Variants in LRP1 observed in about 807,000 individuals in gnomAD.
The protein encoded by LRP1 is prolow-density lipoprotein receptor-related protein 1.
A neutral mutation model predicts 541.5 loss-of-function variants in LRP1; 51 were observed. The observed-to-expected ratio is 0.09, with a 90% CI of 0.08 to 0.12. The LOEUF is 0.12. Among genes scored for constraint, LRP1 ranks in the 10% least tolerant of loss-of-function variants. The pLI, the probability that LRP1 is intolerant of heterozygous loss-of-function variation, is 1.00. For synonymous variants in LRP1, 2,219 were observed against 2,470.8 expected, an observed-to-expected ratio of 0.90 and a Z score of 3.02; for missense variants, 3,878 against 6,376.2, an observed-to-expected ratio of 0.61 and a Z score of 13.34.
At chr12:57,209,556 C>G in intron 79 of LRP1, 136 bp from the exon 80 acceptor site, 1 of 702,566 alleles carries the variant, frequency 1.4e-6, no homozygotes, top group South Asian at 1.8e-5. Flanking sequence ...GAGGAGGAAC[C>G]GGTGTGGGGA....
rs1469334551 is a variant in LRP1 at position 57,205,391 on chromosome 12, T to C, written c.11376T>C (p.Cys3792=). The C allele has an allele frequency of 6.2e-7, 1 of 1,608,694 alleles. No homozygotes were observed. The change falls in exon 74 of 89, where the codon TGT becomes TGC. Residue 3792 remains cysteine (C), a synonymous_variant. Coordinates refer to ENST00000243077, the MANE Select transcript of LRP1 (RefSeq NM_002332.3). The surrounding 1 kb of genome is among the most constrained non-coding windows in gnomAD (Gnocchi z 4.6). The part of the protein sequence containing the change: ...LTSCATNASI[C]GDEARCVRTE... The stretch of plus-strand genomic sequence containing the variant: ...GCTGCGCCACCAATGCCAGCATCTG[T>C]GGGGACGAGGCACGCTGCGTGCGCA...
chr12:57,182,785 C>T (rs1358116015), intron 34 of LRP1, among the ~76,000 whole-genome samples: 8 of 152,020 alleles, frequency 5.3e-5, no homozygotes, highest in Non-Finnish European at 1.0e-4. Flanking sequence ...CATTGTACTG[C>T]AGCCTGGGGA....
chr12:57,198,794 C>T (rs1004526680), intron 60 of LRP1, 124 bp downstream of exon 60: 3 of 960,904 alleles, frequency 3.1e-6, no homozygotes, highest in Non-Finnish European at 4.7e-6. Flanking sequence ...GGCCTGAGGA[C>T]ACCACTCACT....
rs554259507 is a variant in LRP1, at chr12:57,185,784, G to A, written c.6717G>A (p.Leu2239=). Residue 2239 remains leucine (L), a synonymous_variant, in exon 41 of 89, where the codon CTG becomes CTA. Coordinates refer to ENST00000243077, the MANE Select transcript of LRP1 (RefSeq NM_002332.3). This position sits in a 1 kb window ranked among gnomAD's most constrained non-coding sequence, Gnocchi z 4.9. ...DPEHMKNVIA[L]AFDYRAGTSP... ...AGCACATGAAGAACGTCATCGCCCT[G>A]GCCTTTGACTACCGGGCAGGCACCT... is the stretch of plus-strand genomic sequence containing the variant. 155 of 1,614,178 alleles carry A rather than the reference G, an allele frequency of 9.6e-5. No homozygotes were observed. The South Asian group carries it at 1.6e-3, about 17-fold the overall frequency.
intron 1 of LRP1, among the ~76,000 whole-genome samples, chr12:57,134,139 G>T (rs1267332242): frequency 6.6e-6 from 1 of 152,086 alleles, no homozygotes; most frequent in Non-Finnish European, 1.5e-5. Context: ...GTTTGGGGGG[G>T]TGGGGCAGGG....
At chr12:57,129,640 T>A (rs1171107934) in intron 1 of LRP1, among the ~76,000 whole-genome samples, 2 of 152,178 alleles carry the variant, frequency 1.3e-5, no homozygotes, top group Non-Finnish European at 2.9e-5. Flanking sequence ...TCTCAGGGCC[T>A]CTGTCAGTAG....
chr12:57,134,646 C>A (rs1273205157), intron 1 of LRP1, among the ~76,000 whole-genome samples: 1 of 152,104 alleles, frequency 6.6e-6, no homozygotes, highest in Admixed American at 6.5e-5. Context: ...GCCTCCACCT[C>A]CCAAAGTGCT....
Position 57,190,360 on chromosome 12 carries a change from ACTT to A in LRP1, c.7032-440_7032-438del, listed in dbSNP as rs530101601. Among the ~76,000 whole-genome samples the A allele has an allele frequency of 6.6e-5, 10 of 152,308 alleles. No homozygotes were observed. In the South Asian group the frequency reaches 2.1e-3, roughly 32 times the overall value. ...CCATCTGTCCTTAAGATGGAGATTA[ACTT>A]CTTCCACTCTCACATCCTGCGAGGC... On this transcript the variant is annotated intron_variant, in intron 42 of 88. Transcript: ENST00000243077.
chr12:57,162,852 C>G lies in LRP1; in HGVS notation c.2405-6C>G, dbSNP rs752421266. ...CTTTGCCTTTCCCCATGGCCCTTCC[C>G]CACAGTTGGCACCAACAAATGCCGG... On this transcript the variant is annotated splice_polypyrimidine_tract_variant and splice_region_variant and intron_variant, in intron 14 of 88. Coordinates refer to ENST00000243077, the MANE Select transcript of LRP1 (RefSeq NM_002332.3). The surrounding 1 kb of genome is among the most constrained non-coding windows in gnomAD (Gnocchi z 5.2). 101 of 1,606,390 alleles carry G rather than the reference C, an allele frequency of 6.3e-5. No homozygotes were observed. The highest frequency in any genetic ancestry group is 8.2e-5 in the Non-Finnish European group (96 of 1,176,880).
chr12:57,193,060 C>A, intron 45 of LRP1, 90 bp downstream of exon 45: 1 of 1,586,828 alleles, frequency 6.3e-7, no homozygotes, highest in Non-Finnish European at 8.6e-7. Flanking sequence ...AGCCCAGCCC[C>A]CCAAAGCCTT....
intron 17 of LRP1, 27 bp from the exon 18 acceptor site, chr12:57,166,903 G>A (rs1482563720): frequency 1.7e-6 from 2 of 1,188,880 alleles, no homozygotes; most frequent in South Asian, 2.5e-5. Flanking sequence ...AGGACAATGA[G>A]TACTCACACC....
chr12:57,144,733 G>A (rs2035364366), intron 4 of LRP1: 2 of 547,952 alleles, frequency 3.6e-6, no homozygotes, highest in Non-Finnish European at 6.5e-6. Context: ...CCATAGTAGG[G>A]ACTCAATAAA....
chr12:57,208,322 T>C, intron 77 of LRP1, 106 bp downstream of exon 77: 1 of 1,248,726 alleles, frequency 8.0e-7, no homozygotes, highest in Non-Finnish European at 1.1e-6. Flanking sequence ...CAGGCCAGCC[T>C]GAGGACAGAG....
intron 22 of LRP1, 26 bp downstream of exon 22, chr12:57,174,006 T>G (rs1274005881): frequency 6.2e-7 from 1 of 1,610,032 alleles, no homozygotes; most frequent in East Asian, 2.2e-5. Flanking sequence ...AGGAGAAGGG[T>G]AGGGAGGGTG....
In LRP1 at chr12:57,180,376, C is replaced by T. The variant is rs756423855; in HGVS notation, c.5283C>T (p.Ser1761=). The T allele has an allele frequency of 3.8e-5, 61 of 1,614,036 alleles. No individual in the cohort carries two copies. The highest frequency in any genetic ancestry group is 5.3e-5 in the African/African-American group (4 of 74,936). ...AAAGCAAACTCTACTGGATCAGCTC[C>T]GGGAACCATACCATCAACCGCTGCA... ...FPESKLYWIS[S]GNHTINRCNL... Residue 1761 remains serine, a synonymous_variant, in exon 32 of 89, where the codon TCC becomes TCT. Transcript: ENST00000243077.
At chr12:57,196,354 A>T (rs1565747902) in intron 55 of LRP1, 77 bp downstream of exon 55, 1 of 1,324,318 alleles carries the variant, frequency 7.6e-7, no homozygotes, top group East Asian at 2.5e-5. Context: ...TTATTCATTC[A>T]TTCATCCCCT....
Position 57,201,175 on chromosome 12 carries a change from G to A in LRP1, c.10345+22G>A. The A allele has an allele frequency of 6.2e-7, 1 of 1,613,058 alleles. No homozygotes were observed. Among genetic ancestry groups the A allele is most frequent in the Non-Finnish European group, 8.5e-7 (1 of 1,179,182 alleles). On this transcript the variant is annotated intron_variant, in intron 65 of 88. Coordinates refer to ENST00000243077, the MANE Select transcript of LRP1 (RefSeq NM_002332.3). This position sits in a 1 kb window ranked among gnomAD's most constrained non-coding sequence, Gnocchi z 6.4. ...TGCCGTGAGTGTCAGAGGTGGTGGTGGGCCGGTGGTGGGAGATGACACGGA... is the reference window on the plus strand; with the variant it reads ...TGCCGTGAGTGTCAGAGGTGGTGGTAGGCCGGTGGTGGGAGATGACACGGA...
At position 57,193,937 on chromosome 12, in the gene LRP1, G is replaced by A. The variant is rs372493625; in HGVS notation, c.7843G>A (p.Gly2615Arg). The change falls in exon 48 of 89, where the codon GGG becomes AGG. Residue 2615 changes from glycine to arginine, a missense_variant. Transcript: ENST00000243077. The part of the protein sequence containing the change: ...CGVGEFRCRD[G>R]TCIGNSSRCN... ...TGTGGGCGAGTTCCGCTGCCGGGAC[G>A]GGACCTGCATCGGGAACTCCAGCCG... 59 of 1,614,146 alleles carry A rather than the reference G, an allele frequency of 3.7e-5. No individual in the cohort carries two copies. The African/African-American group carries it at 6.1e-4, about 17-fold the overall frequency.
chr12:57,145,899 GC>G (rs2035396136), intron 6 of LRP1, among the ~76,000 whole-genome samples: 1 of 152,128 alleles, frequency 6.6e-6, no homozygotes. Context: ...AGGAGCTGGG[GC>G]CCAGCTGCTC....
Sources: allele counts gnomAD v4.1 joint callset (sites outside exome capture counted in the v4.1 genomes callset), GRCh38; gene constraint gnomAD v4.1.1; non-coding constraint Gnocchi (gnomAD v3.1); transcripts MANE v1.5; gene names NCBI Gene and HGNC (gene_info 2026-07-23, HGNC 2026-07-21).